Variants in ZNF318 observed in about 807,000 individuals in gnomAD.
ZNF318 encodes zinc finger protein 318, also known as endocrine regulator.
In ZNF318, 51 loss-of-function variants were observed where a neutral mutation model predicts 124.2. That is an observed-to-expected ratio of 0.41 (90% CI 0.33 to 0.52). The LOEUF (loss-of-function observed/expected upper bound fraction) is 0.52. Ranked by LOEUF, ZNF318 falls within the 20% of genes least tolerant of loss-of-function variation. The probability of loss-of-function intolerance (pLI) is 0.23; values close to 1 mark genes in which losing one functional copy is unlikely to be tolerated. For missense variants in ZNF318, 2,815 were observed against 2,811.2 expected, an observed-to-expected ratio of 1.00 and a Z score of -0.03; for synonymous variants, 1,090 against 1,040.7, an observed-to-expected ratio of 1.05 and a Z score of -0.91.
intron 5 of ZNF318, among the ~76,000 whole-genome samples, chr6:43,350,578 C>G (rs1048193399): frequency 1.7e-4 from 26 of 152,120 alleles, no homozygotes; most frequent in African/African-American, 6.3e-4. Context: ...TGGCTCATGC[C>G]TGTAATCCTA....
chr6:43,367,351 A>G (rs961952702), intron 1 of ZNF318, among the ~76,000 whole-genome samples: 2 of 152,246 alleles, frequency 1.3e-5, no homozygotes, highest in Non-Finnish European at 2.9e-5. Flanking sequence ...CAATAAATAC[A>G]TGTCAAATGT....
At chr6:43,357,826 G>A in intron 2 of ZNF318, 61 bp from the exon 3 acceptor site, 1 of 1,450,960 alleles carries the variant, frequency 6.9e-7, no homozygotes, top group East Asian at 2.3e-5. Flanking sequence ...AGCAGACAAG[G>A]CTAAGAGACT....
At position 43,348,518 on chromosome 6, in the gene ZNF318, G is replaced by A. The variant is rs767973305; in HGVS notation, c.2878C>T (p.Arg960Trp). ...TTTTCTGCCTCTTCTGCCTCTTGCC[G>A]TAGCTCTGCAATGTCCTTCATAATG... is the stretch of plus-strand genomic sequence containing the variant. ...DNIMKDIAEL[R>W]QEAEEAEKKQ... The change falls in exon 6 of 10, where the codon CGG becomes TGG. Residue 960 changes from arginine to tryptophan, a missense_variant. Physicochemically the swap from Arg to Trp is moderately radical, Grantham distance 101. Transcript: ENST00000361428. 22 of 1,613,968 alleles carry A rather than the reference G, an allele frequency of 1.4e-5. No individual in the cohort carries two copies. Among genetic ancestry groups the A allele is most frequent in the South Asian group, 1.3e-4 (12 of 91,082 alleles).
intron 6 of ZNF318, among the ~76,000 whole-genome samples, chr6:43,345,824 G>A (rs1404864072): frequency 2.0e-5 from 3 of 152,092 alleles, no homozygotes; most frequent in Non-Finnish European, 4.4e-5. Context: ...TTATCCTCTC[G>A]GGCCAGGTGG....
chr6:43,365,706 C>T (rs1343406611), intron 1 of ZNF318, among the ~76,000 whole-genome samples: 2 of 152,140 alleles, frequency 1.3e-5, no homozygotes, highest in African/African-American at 4.8e-5. Context: ...ATAGCTTAAG[C>T]TTGGGAGGTC....
chr6:43,339,005 T>G lies in ZNF318; in HGVS notation c.4993A>C (p.Lys1665Gln). ...KWSVVEHVGPKSTGSTYGFLQ... is the reference protein window; with the variant it reads ...KWSVVEHVGPQSTGSTYGFLQ... ...AAGCCATAGGTGCTGCCTGTGCTTT[T>G]TGGGCCTACATGTTCTACAACTGAC... Residue 1665 changes from lysine to glutamine, a missense_variant, in exon 10 of 10, where the codon AAA becomes CAA. Physicochemically the swap from Lys to Gln is moderately conservative, Grantham distance 53. Transcript: ENST00000361428. This position sits in a 1 kb window ranked among gnomAD's most constrained non-coding sequence, Gnocchi z 4.2. 6.2e-7 allele frequency: 1 copy of G among 1,614,214 alleles called. No homozygotes were observed.
rs777503911 is a variant in ZNF318, at chr6:43,354,758, G to A, written c.2576C>T (p.Ala859Val). 8.1e-6 allele frequency: 13 copies of A among 1,614,036 alleles called. No individual in the cohort carries two copies. The African/African-American group carries it at 1.2e-4, about 15-fold the overall frequency. Residue 859 changes from alanine to valine, a missense_variant, in exon 4 of 10, where the codon GCC (alanine) becomes GTC (valine). Physicochemically the swap from Ala to Val is moderately conservative, Grantham distance 64. Around this residue, in one of 4 missense-constraint regions of ZNF318, gnomAD observed 1,377 missense variants for 1,353.5 expected, o/e 1.02. Transcript: ENST00000361428. Reference protein sequence around the residue: ...KESLRGSIPAAQVPVQVSIPS... With the variant: ...KESLRGSIPAVQVPVQVSIPS... Reference sequence around the variant, plus strand: ...AATGGACACCTGGACAGGCACTTGGGCCGCAGGAATTGAGCCTCGCAGAGA... The same window carrying A: ...AATGGACACCTGGACAGGCACTTGGACCGCAGGAATTGAGCCTCGCAGAGA...
chr6:43,342,003 A>C, intron 8 of ZNF318, 109 bp downstream of exon 8: 1 of 942,100 alleles, frequency 1.1e-6, no homozygotes, highest in South Asian at 1.4e-5. Context: ...GGCTTTGTTA[A>C]AAGGAATGGC....
chr6:43,337,562 C>T lies in ZNF318; in HGVS notation c.6436G>A (p.Asp2146Asn). 6.2e-7 allele frequency: 1 copy of T among 1,614,094 alleles called. No homozygotes were observed. Among genetic ancestry groups the T allele is most frequent in the South Asian group, 1.1e-5 (1 of 91,080 alleles). The change falls in exon 10 of 10, where the codon GAC becomes AAC. Residue 2146 changes from aspartate to asparagine, a missense_variant. This residue lies in a region of ZNF318 where 927 missense variants were observed against 820.6 expected (regional missense o/e 1.13). Coordinates refer to ENST00000361428, the MANE Select transcript of ZNF318 (RefSeq NM_014345.3). Reference protein sequence around the residue: ...PEEVKESSQLDKQESLGLELK... With the variant: ...PEEVKESSQLNKQESLGLELK... ...TCCAATCCGAGTGACTCTTGTTTGTCTAATTGGGAAGATTCTTTTACTTCC... is the reference window on the plus strand; with the variant it reads ...TCCAATCCGAGTGACTCTTGTTTGTTTAATTGGGAAGATTCTTTTACTTCC...
intron 4 of ZNF318, 125 bp from the exon 5 acceptor site, chr6:43,352,601 T>G (rs1779545261): frequency 1.3e-6 from 1 of 783,722 alleles, no homozygotes. Context: ...GCACACAGGC[T>G]CTGACCTTAC....
chr6:43,340,560 T>G, intron 9 of ZNF318, 58 bp from the exon 10 acceptor site: 1 of 1,514,664 alleles, frequency 6.6e-7, no homozygotes, highest in African/African-American at 1.4e-5. Flanking sequence ...GAAAAAAATC[T>G]TGGCCCCGCT....
rs539674219 is a variant in ZNF318 at position 43,356,130 on chromosome 6, T to C, written c.1204A>G (p.Ser402Gly). ...TGATCCTGGCTGGAGCTGGTACTGC[T>C]GGAAAAACTCTCAAGCTGCAAAGAC... ...EPSMQLESFS[S>G]STSSSQDHPL... The change falls in exon 4 of 10, where the codon AGC (serine) becomes GGC (glycine). Residue 402 changes from serine (S) to glycine (G), a missense_variant. Ser to Gly is a moderately conservative substitution (Grantham distance 56, BLOSUM62 0). This residue lies in a region of ZNF318 where 1,377 missense variants were observed against 1,353.5 expected (regional missense o/e 1.02). Transcript: ENST00000361428. 1.2e-6 allele frequency: 2 copies of C among 1,610,682 alleles called. No individual in the cohort carries two copies. Among genetic ancestry groups the C allele is most frequent in the South Asian group, 1.1e-5 (1 of 90,492 alleles).
chr6:43,354,715 A>G lies in ZNF318; in HGVS notation c.2619T>C (p.Tyr873=), dbSNP rs201377039. 8.1e-6 allele frequency: 13 copies of G among 1,613,888 alleles called. No individual in the cohort carries two copies. Among genetic ancestry groups the G allele is most frequent in the East Asian group, 2.2e-5 (1 of 44,884 alleles). The stretch of plus-strand genomic sequence containing the variant: ...TCTCATCAGAGATCTTCTCTGGATT[A>G]TATCTTATGAGTGATGGAATGGACA... ...VQVSIPSLIR[Y]NPEKISDEKN... The change falls in exon 4 of 10, where the codon TAT becomes TAC. Residue 873 remains tyrosine, a synonymous_variant. Coordinates refer to ENST00000361428, the MANE Select transcript of ZNF318 (RefSeq NM_014345.3).
chr6:43,364,290 C>T (rs1231071739), intron 2 of ZNF318: 1 of 364,960 alleles, frequency 2.7e-6, no homozygotes, highest in Non-Finnish European at 4.9e-6. Context: ...GTGGCTACAA[C>T]ATAGGGTTTT....
chr6:43,368,793 G>C (rs745960729), intron 1 of ZNF318, 174 bp downstream of exon 1: 22 of 984,814 alleles, frequency 2.2e-5, no homozygotes, highest in Admixed American at 1.2e-4. Context: ...GTCCGTTATT[G>C]TGTCAACGCT....
chr6:43,358,859 A>G (rs769581752), intron 2 of ZNF318, among the ~76,000 whole-genome samples: 5 of 152,042 alleles, frequency 3.3e-5, no homozygotes, highest in Non-Finnish European at 5.9e-5. Context: ...CGTGGCTCAG[A>G]TAAATGGTTT....
In ZNF318 at chr6:43,338,068, G is replaced by C; in HGVS notation, c.5930C>G (p.Thr1977Arg). The change falls in exon 10 of 10, where the codon ACA (threonine) becomes AGA (arginine). Residue 1977 changes from threonine (T) to arginine (R), a missense_variant. Thr to Arg is a moderately conservative substitution (Grantham distance 71). Around this residue, in one of 4 missense-constraint regions of ZNF318, gnomAD observed 927 missense variants for 820.6 expected, o/e 1.13. Coordinates refer to ENST00000361428, the MANE Select transcript of ZNF318 (RefSeq NM_014345.3). The stretch of plus-strand genomic sequence containing the variant: ...GACATCTTGTAGCTCCAGTGCTTCT[G>C]TTTTTGGTTTCTCTGGGCTCTCCCA... ...ETWESPEKPK[T>R]EALELQDVHP... 2 of 1,614,200 alleles carry C rather than the reference G, an allele frequency of 1.2e-6. No homozygotes were observed. Among genetic ancestry groups the C allele is most frequent in the Non-Finnish European group, 8.5e-7 (1 of 1,180,018 alleles).
At chr6:43,361,723 G>A (rs1198208553) in intron 2 of ZNF318, among the ~76,000 whole-genome samples, 2 of 152,140 alleles carry the variant, frequency 1.3e-5, no homozygotes, top group Admixed American at 6.6e-5. Flanking sequence ...GTTCCCTTTT[G>A]AGTAGAATTA....
At position 43,357,405 on chromosome 6, in the gene ZNF318, T is replaced by A. The variant is rs779484198; in HGVS notation, c.909A>T (p.Arg303Ser). The A allele has an allele frequency of 6.2e-7, 1 of 1,614,190 alleles. No homozygotes were observed. Among genetic ancestry groups the A allele is most frequent in the Non-Finnish European group, 8.5e-7 (1 of 1,180,024 alleles). ...CGAGAAACCTAGGACTTGGGCTTCTTCTACGCTGTCGATAGTTGCGAGTTC... is the reference window on the plus strand; with the variant it reads ...CGAGAAACCTAGGACTTGGGCTTCTACTACGCTGTCGATAGTTGCGAGTTC... ...TSGTRNYRQR[R>S]RSPSPRFLDP... is the part of the protein sequence containing the mutation. The change falls in exon 3 of 10, where the codon AGA becomes AGT. Residue 303 changes from arginine (R) to serine (S), a missense_variant. By Grantham distance (110) the Arg-to-Ser change is moderately radical. This residue lies in a region of ZNF318 where 1,377 missense variants were observed against 1,353.5 expected (regional missense o/e 1.02). Coordinates refer to ENST00000361428, the MANE Select transcript of ZNF318 (RefSeq NM_014345.3).
Sources: gnomAD v4.1 joint callset for allele counts (sites outside exome capture counted in the v4.1 genomes callset) on GRCh38, gnomAD v4.1.1 for gene constraint, gnomAD v4.1.1 regional missense constraint, Gnocchi (gnomAD v3.1) non-coding constraint, MANE v1.5 for transcripts, NCBI Gene and HGNC (gene_info 2026-07-23, HGNC 2026-07-21) for gene names.